ZFHX3: variants seen among roughly 807,000 people sequenced by gnomAD.
The protein encoded by ZFHX3 is zinc finger homeobox 3.
Under a neutral mutation model 279.1 loss-of-function variants are expected in ZFHX3, and 42 were observed. The observed-to-expected ratio is 0.15, with a 90% confidence interval of 0.12 to 0.19. ZFHX3 has a LOEUF of 0.19. Ranked by LOEUF, ZFHX3 falls within the 10% of genes least tolerant of loss-of-function variation. ZFHX3 has a pLI of 1.00. For missense variants in ZFHX3, 4,981 were observed against 4,754.0 expected, an observed-to-expected ratio of 1.05 and a Z score of -1.40; for synonymous variants, 2,293 against 1,957.8, an observed-to-expected ratio of 1.17 and a Z score of -4.52.
chr16:73,487,434 G>T (rs369326423), intron 2 of ZFHX3: 1 of 423,058 alleles, frequency 2.4e-6, no homozygotes, highest in Admixed American at 2.7e-5. Flanking sequence ...GCAGAGTCTC[G>T]ATCTGTTGCC....
chr16:73,604,873 C>G (rs751061341), intron 2 of ZFHX3, among the ~76,000 whole-genome samples: 32 of 152,044 alleles, frequency 2.1e-4, no homozygotes, highest in Non-Finnish European at 4.0e-4. Context: ...ATGTCTGGAC[C>G]TTTTTTTCAA....
chr16:73,296,942 T>G (rs1015957308), intron 4 of ZFHX3, among the ~76,000 whole-genome samples: 1 of 147,876 alleles, frequency 6.8e-6, no homozygotes, highest in East Asian at 2.0e-4. Context: ...TCAGTGGCGC[T>G]ATCTCGGCTC....
intron 4 of ZFHX3, among the ~76,000 whole-genome samples, chr16:72,881,735 G>A (rs1034392321): frequency 1.4e-4 from 22 of 152,108 alleles, no homozygotes; most frequent in South Asian, 4.2e-4. Context: ...AGCAGAGGAC[G>A]GCTGCCACTT....
At chr16:72,800,681 T>A (rs1362380801) in intron 7 of ZFHX3, among the ~76,000 whole-genome samples, 1 of 152,116 alleles carries the variant, frequency 6.6e-6, no homozygotes, top group Non-Finnish European at 1.5e-5. Flanking sequence ...GCTGGCAGAT[T>A]TTCCAGGAAA....
At chr16:73,157,065 G>A (rs907684421) in intron 5 of ZFHX3, among the ~76,000 whole-genome samples, 9 of 151,756 alleles carry the variant, frequency 5.9e-5, no homozygotes, top group Non-Finnish European at 1.0e-4. Flanking sequence ...TATATTGCCC[G>A]GGATATAAGC....
chr16:73,573,715 T>C (rs1481850574), intron 2 of ZFHX3, among the ~76,000 whole-genome samples: 2 of 152,254 alleles, frequency 1.3e-5, no homozygotes, highest in Non-Finnish European at 2.9e-5. Flanking sequence ...TTTTAACAAC[T>C]GTGTTAGAAT....
At chr16:73,369,402 T>G (rs2016583083) in intron 3 of ZFHX3, among the ~76,000 whole-genome samples, 1 of 152,216 alleles carries the variant, frequency 6.6e-6, no homozygotes, top group Non-Finnish European at 1.5e-5. Flanking sequence ...CATCAGAATC[T>G]TTGCAAATGC....
At chr16:72,888,923 A>G (rs964346048) in intron 4 of ZFHX3, among the ~76,000 whole-genome samples, 1 of 152,130 alleles carries the variant, frequency 6.6e-6, no homozygotes, top group Non-Finnish European at 1.5e-5. Context: ...CTTTTCTTGG[A>G]AAGTTTTGGT....
intron 1 of ZFHX3, among the ~76,000 whole-genome samples, chr16:73,883,421 GTGTGTGTA>G (rs903917884): frequency 1.3e-5 from 2 of 150,832 alleles, no homozygotes; most frequent in African/African-American, 4.9e-5. Context: ...GTGTGTGTGT[GTGTGTGTA>G]TATGAATATG....
intron 2 of ZFHX3, among the ~76,000 whole-genome samples, chr16:73,550,652 C>A (rs538045667): frequency 6.6e-6 from 1 of 152,206 alleles, no homozygotes; most frequent in South Asian, 2.1e-4. Context: ...ATTTTTATTT[C>A]TTGCTTTGAT....
At chr16:73,748,874 G>A (rs546990816) in intron 1 of ZFHX3, among the ~76,000 whole-genome samples, 48 of 152,112 alleles carry the variant, frequency 3.2e-4, no homozygotes, top group Admixed American at 1.6e-3. Context: ...TGCAACCTCC[G>A]CCTCCTGGGT....
chr16:72,961,686 C>T (rs766647699), intron 1 of ZFHX3, among the ~76,000 whole-genome samples: 6 of 151,792 alleles, frequency 4.0e-5, no homozygotes, highest in South Asian at 2.1e-4. Context: ...AGCTCCCCCT[C>T]GGGAAAAACT....
chr16:73,765,576 C>T (rs2053924555), intron 1 of ZFHX3, among the ~76,000 whole-genome samples: 2 of 152,310 alleles, frequency 1.3e-5, no homozygotes, highest in East Asian at 1.9e-4. Context: ...CAGGAAAGGA[C>T]ACCTGGGACT....
At chr16:73,389,918 G>C (rs2016977943) in intron 3 of ZFHX3, among the ~76,000 whole-genome samples, 1 of 152,140 alleles carries the variant, frequency 6.6e-6, no homozygotes, top group Non-Finnish European at 1.5e-5. Flanking sequence ...AAATTAGCCA[G>C]GTGTGGTGGC....
chr16:72,787,874 G>C lies in ZFHX3; in HGVS notation c.10402C>G (p.Arg3468Gly). Residue 3468 changes from arginine (R) to glycine (G), a missense_variant, in exon 10 of 10, where the codon CGC (arginine) becomes GGC (glycine). By Grantham distance (125) the Arg-to-Gly change is moderately radical. Coordinates refer to ENST00000268489, the MANE Select transcript of ZFHX3 (RefSeq NM_006885.4). ...TCGCTGAAGCCCGCCTGGCACTTGC[G>C]GCAGACCAACTTGTACTGCACCTTT... ...VPKVQYKLVC[R>G]KCQAGFSDEE... is the part of the protein sequence containing the mutation. 10 of 1,613,934 alleles carry C rather than the reference G, an allele frequency of 6.2e-6. No homozygotes were observed. The highest frequency in any genetic ancestry group is 8.5e-6 in the Non-Finnish European group (10 of 1,180,006).
Position 72,795,324 on chromosome 16 carries a change from T to C in ZFHX3, c.7358A>G (p.Glu2453Gly). 3.1e-6 allele frequency: 5 copies of C among 1,614,084 alleles called. No individual in the cohort carries two copies. Among genetic ancestry groups the C allele is most frequent in the African/African-American group, 1.3e-5 (1 of 74,998 alleles). ...TQEKQGQPKP[E>G]LQQQEQPEQK... is the part of the protein sequence containing the mutation. ...CTCGGGCTGCTCTTGCTGCTGCAGC[T>C]CTGGCTTTGGTTGTCCTTGCTTTTC... Residue 2453 changes from glutamate to glycine, a missense_variant, in exon 9 of 10, where the codon GAG becomes GGG. Around this residue, in one of 7 missense-constraint regions of ZFHX3, gnomAD observed 744 missense variants for 701.3 expected, o/e 1.06. Coordinates refer to ENST00000268489, the MANE Select transcript of ZFHX3 (RefSeq NM_006885.4).
intron 5 of ZFHX3, among the ~76,000 whole-genome samples, chr16:73,228,679 T>C (rs2012678813): frequency 6.6e-6 from 1 of 152,022 alleles, no homozygotes; most frequent in African/African-American, 2.4e-5. Flanking sequence ...CAAGACCAAA[T>C]GAAAACCACT....
intron 1 of ZFHX3, among the ~76,000 whole-genome samples, chr16:73,754,715 C>T (rs2053792252): frequency 6.6e-6 from 1 of 151,956 alleles, no homozygotes; most frequent in South Asian, 2.1e-4. Flanking sequence ...CTTTTCTACA[C>T]ATTATTTGTT....
intron 3 of ZFHX3, among the ~76,000 whole-genome samples, chr16:73,330,345 A>T (rs529228345): frequency 1.5e-4 from 23 of 152,316 alleles, no homozygotes; most frequent in Non-Finnish European, 2.8e-4. Context: ...GGTATCAGTC[A>T]GGTTCTGGTT....
Sources: gnomAD v4.1 joint callset for allele counts (sites outside exome capture counted in the v4.1 genomes callset) on GRCh38, gnomAD v4.1.1 for gene constraint, gnomAD v4.1.1 regional missense constraint, MANE v1.5 for transcripts, NCBI Gene and HGNC (gene_info 2026-07-23, HGNC 2026-07-21) for gene names.